GSR: variants seen among roughly 807,000 people sequenced by gnomAD.
GSR encodes the protein glutathione reductase, mitochondrial.
In GSR, 48 loss-of-function variants were observed where a neutral mutation model predicts 56.5. The observed-to-expected ratio is 0.85, with a 90% CI of 0.67 to 1.08. The LOEUF (loss-of-function observed/expected upper bound fraction) is 1.08, where lower values mean the gene tolerates loss of function less well. GSR is among the 50% of genes least tolerant of loss of function. The pLI is 0.00. For missense variants in GSR, 694 were observed against 703.3 expected (o/e 0.99, Z 0.15); for synonymous variants, 264 against 270.8 (o/e 0.97, Z 0.25).
At chr8:30,696,811 T>A (rs1803558799) in intron 6 of GSR, among the ~76,000 whole-genome samples, 1 of 152,110 alleles carries the variant, frequency 6.6e-6, no homozygotes, top group African/African-American at 2.4e-5. Context: ...TCCTCCAGCC[T>A]CAGCCTCCTG....
intron 1 of GSR, among the ~76,000 whole-genome samples, chr8:30,720,087 G>A (rs544383384): frequency 2.0e-5 from 3 of 152,080 alleles, no homozygotes; most frequent in South Asian, 2.1e-4. Flanking sequence ...GGTGTTGCAC[G>A]CCTGTAGTCC....
Position 30,689,873 on chromosome 8 carries a change from ATATG to A in GSR, c.883-558_883-555del, listed in dbSNP as rs905173188. 3.5e-5 allele frequency among the ~76,000 whole-genome samples: 5 copies of A among 142,782 alleles called. No homozygotes were observed. The Admixed American group carries it at 3.6e-4, about 10-fold the overall frequency. The allele number at this position is 142,782 out of a possible 152,430, so 93.7% of individuals were successfully genotyped here. A position where few individuals can be genotyped will look rare whatever the true frequency, so the allele number is the denominator to read the frequency against. ...TATATAAATATATTTATATATAAATATATGTATATTATATATAAATTATATTTTT... is the reference window on the plus strand; with the variant it reads ...TATATAAATATATTTATATATAAATATATATTATATATAAATTATATTTTT... On this transcript the variant is annotated intron_variant, in intron 8 of 12. Transcript: ENST00000221130.
chr8:30,679,499 G>T lies in GSR; in HGVS notation c.*21C>A, dbSNP rs763647057. 4.3e-6 allele frequency: 7 copies of T among 1,611,276 alleles called. No homozygotes were observed. The African/African-American group carries it at 5.3e-5, about 12-fold the overall frequency. On this transcript the variant is annotated 3_prime_UTR_variant, in exon 13 of 13. Coordinates refer to ENST00000221130, the MANE Select transcript of GSR (RefSeq NM_000637.5). ...AGAAGATCTATGGGTCCCACTGCCC[G>T]CCACACGTGTCTCCTGGTTCTCAAC...
chr8:30,685,317 C>A (rs1437267255), intron 9 of GSR, among the ~76,000 whole-genome samples: 1 of 152,092 alleles, frequency 6.6e-6, no homozygotes, highest in Non-Finnish European at 1.5e-5. Flanking sequence ...CCTCAAACTT[C>A]TGGCCTCAAG....
intron 1 of GSR, among the ~76,000 whole-genome samples, chr8:30,717,576 A>T (rs906848557): frequency 6.6e-6 from 1 of 152,114 alleles, no homozygotes; most frequent in African/African-American, 2.4e-5. Context: ...TTAGATTCTC[A>T]TAGGAGCGTG....
intron 1 of GSR, among the ~76,000 whole-genome samples, chr8:30,725,899 A>G (rs1401966432): frequency 2.0e-5 from 3 of 151,848 alleles, no homozygotes; most frequent in Non-Finnish European, 2.9e-5. Flanking sequence ...AAAAAAAAAA[A>G]AGAATTCATA....
chr8:30,700,723 C>CAAA (rs55702917), intron 5 of GSR, among the ~76,000 whole-genome samples: 3 of 80,044 alleles, frequency 3.7e-5, no homozygotes, highest in African/African-American at 9.0e-5. Flanking sequence ...ATTTTGTCTC[C>CAAA]AAAAAAAAAA....
chr8:30,682,007 T>C lies in GSR; in HGVS notation c.1208A>G (p.Asp403Gly), dbSNP rs1051053156. 6.2e-7 allele frequency: 1 copy of C among 1,613,102 alleles called. No individual in the cohort carries two copies. Among genetic ancestry groups the C allele is most frequent in the African/African-American group, 1.3e-5 (1 of 74,896 alleles). ...GATGTTGTTATAATCTAATTTGGAA[T>C]CTTCCTTATATTCAAAAAGTCGATG... ...LAHRLFEYKE[D>G]SKLDYNNIPT... The change falls in exon 11 of 13, where the codon GAT (aspartate) becomes GGT (glycine). Residue 403 changes from aspartate (D) to glycine (G), a missense_variant. By Grantham distance (94) the Asp-to-Gly change is moderately conservative (BLOSUM62 -1). Coordinates refer to ENST00000221130, the MANE Select transcript of GSR (RefSeq NM_000637.5).
intron 1 of GSR, chr8:30,727,087 C>A (rs62505356): frequency 6.3e-6 from 1 of 158,796 alleles, no homozygotes; most frequent in Admixed American, 6.5e-5. Flanking sequence ...AATCATTCTG[C>A]CCTTGAAACG....
At chr8:30,719,600 T>C (rs1179164402) in intron 1 of GSR, among the ~76,000 whole-genome samples, 1 of 152,080 alleles carries the variant, frequency 6.6e-6, no homozygotes, top group African/African-American at 2.4e-5. Context: ...TCAAGGAGAC[T>C]CCTGTAACTC....
chr8:30,689,431 C>G, intron 8 of GSR, 112 bp from the exon 9 acceptor site: 1 of 874,402 alleles, frequency 1.1e-6, no homozygotes, highest in Non-Finnish European at 1.9e-6. Context: ...AAAATCCCTA[C>G]TGAATCCCAC....
intron 11 of GSR, among the ~76,000 whole-genome samples, chr8:30,681,280 T>C (rs1802947177): frequency 6.6e-6 from 1 of 152,134 alleles, no homozygotes; most frequent in South Asian, 2.1e-4. Flanking sequence ...CTGTAATCCC[T>C]GCACTTTGAG....
chr8:30,689,086 G>T, intron 9 of GSR, 75 bp downstream of exon 9: 5 of 1,338,082 alleles, frequency 3.7e-6, no homozygotes, highest in Non-Finnish European at 5.4e-6. Flanking sequence ...CAAGTTTTGG[G>T]TGTCTGGGGG....
intron 1 of GSR, among the ~76,000 whole-genome samples, chr8:30,721,736 C>A (rs1804544182): frequency 6.6e-6 from 1 of 151,672 alleles, no homozygotes; most frequent in Non-Finnish European, 1.5e-5. Flanking sequence ...TTCTTGGATT[C>A]TTGGACAGAC....
chr8:30,707,952 G>A, intron 4 of GSR, 120 bp downstream of exon 4: 1 of 614,662 alleles, frequency 1.6e-6, no homozygotes, highest in South Asian at 2.2e-5. Flanking sequence ...GCGAGACCCT[G>A]TCTCCAAAAA....
chr8:30,699,841 C>T (rs942264305), intron 6 of GSR, among the ~76,000 whole-genome samples: 1 of 152,134 alleles, frequency 6.6e-6, no homozygotes, highest in African/African-American at 2.4e-5. Flanking sequence ...TAGGACTTTG[C>T]TATGCAGTCT....
At chr8:30,703,463 A>C (rs1428224805) in intron 4 of GSR, among the ~76,000 whole-genome samples, 1 of 152,110 alleles carries the variant, frequency 6.6e-6, no homozygotes, top group Non-Finnish European at 1.5e-5. Flanking sequence ...AAGATGAAAT[A>C]GGCTGGGCAC....
chr8:30,718,507 G>A (rs1054144063), intron 1 of GSR, among the ~76,000 whole-genome samples: 10 of 152,098 alleles, frequency 6.6e-5, no homozygotes, highest in African/African-American at 2.2e-4. Context: ...TTATTTCTGC[G>A]TCTGCTGGCT....
In GSR at chr8:30,700,068, C is replaced by A; in HGVS notation, c.695+13G>T. 6.2e-7 allele frequency: 1 copy of A among 1,600,058 alleles called. No individual in the cohort carries two copies. The highest frequency in any genetic ancestry group is 1.1e-5 in the South Asian group (1 of 90,774). On this transcript the variant is annotated intron_variant, in intron 6 of 12. Coordinates refer to ENST00000221130, the MANE Select transcript of GSR (RefSeq NM_000637.5). ...GAAGAATGAGTCACTGAGGTCAGGT[C>A]AGGTTGGCTTACCCGGGCAATTCTT...
Sources: allele counts gnomAD v4.1 joint callset (sites outside exome capture counted in the v4.1 genomes callset), GRCh38; gene constraint gnomAD v4.1.1; transcripts MANE v1.5; gene names NCBI Gene and HGNC (gene_info 2026-07-23, HGNC 2026-07-21).